The following CSPG4 variants were observed in gnomAD, a reference collection of about 807,000 sequenced individuals.
The protein encoded by CSPG4 is chondroitin sulfate proteoglycan 4 (melanoma-associated).
Under a neutral mutation model 139.3 loss-of-function variants are expected in CSPG4, and 74 were observed. The ratio of observed to expected loss-of-function variants is 0.53; its 90% confidence interval spans 0.44 to 0.64. CSPG4 has a LOEUF of 0.64. Ranked by LOEUF, CSPG4 falls within the 30% of genes least tolerant of loss-of-function variation. The pLI, the probability that CSPG4 is intolerant of heterozygous loss-of-function variation, is 0.00. For missense variants in CSPG4, 2,565 were observed against 3,148.3 expected (o/e 0.81, Z 4.43); for synonymous variants, 1,234 against 1,394.2 (o/e 0.89, Z 2.56).
rs762797521 is a variant in CSPG4, at chr15:75,688,247, G to A, written c.2818C>T (p.Pro940Ser). 2.5e-6 allele frequency: 4 copies of A among 1,612,976 alleles called. No individual in the cohort carries two copies. Among genetic ancestry groups the A allele is most frequent in the Non-Finnish European group, 3.4e-6 (4 of 1,179,968 alleles). ...ASYLYEVMER[P>S]RHGRLAWRGT... ...CGCCAAGCCAACCTCCCATGGCGGG[G>A]CCGCTCCATGACCTCATAGAGGTAG... Residue 940 changes from proline (P) to serine (S), a missense_variant, in exon 3 of 10, where the codon CCC (proline) becomes TCC (serine). Pro to Ser is a moderately conservative substitution (Grantham distance 74). This residue lies in a region of CSPG4 where 2,316 missense variants were observed against 2,818.2 expected (regional missense o/e 0.82). Transcript: ENST00000308508.
chr15:75,691,390 GACAT>G (rs911477265), intron 2 of CSPG4, among the ~76,000 whole-genome samples: 28 of 152,198 alleles, frequency 1.8e-4, no homozygotes, highest in Non-Finnish European at 3.5e-4. Flanking sequence ...ACAAGGAACT[GACAT>G]ACAGCAAGAT....
rs1894259146 is a variant in CSPG4, at chr15:75,698,559, GGTCA to G, written c.89-5330_89-5327del. Among the ~76,000 whole-genome samples, 1 of 152,032 alleles carries G rather than the reference GGTCA, an allele frequency of 6.6e-6. No homozygotes were observed. The highest frequency in any genetic ancestry group is 6.6e-5 in the Admixed American group (1 of 15,266). ...ATGGGTGAGTGTGTGCAGGAATGTGGGTCAGTGTCACATGTACACACGTGTGTGG... is the reference window on the plus strand; with the variant it reads ...ATGGGTGAGTGTGTGCAGGAATGTGGGTGTCACATGTACACACGTGTGTGG... On this transcript the variant is annotated intron_variant, in intron 1 of 9. Coordinates refer to ENST00000308508, the MANE Select transcript of CSPG4 (RefSeq NM_001897.5). This position sits in a 1 kb window ranked among gnomAD's most constrained non-coding sequence, Gnocchi z 4.3.
chr15:75,677,993 C>G, intron 8 of CSPG4, 107 bp from the exon 9 acceptor site: 1 of 1,056,926 alleles, frequency 9.5e-7, no homozygotes, highest in South Asian at 1.6e-5. Context: ...CTGGGTGTGC[C>G]CAGGTCTGTG....
intron 1 of CSPG4, among the ~76,000 whole-genome samples, chr15:75,712,041 G>T (rs1285119863): frequency 6.7e-6 from 1 of 150,170 alleles, no homozygotes; most frequent in Non-Finnish European, 1.5e-5. Flanking sequence ...GGTAGTGGGT[G>T]GGGGGTCCTG....
At chr15:75,713,251 G>T (rs1239637744), upstream of CSPG4, among the ~76,000 whole-genome samples, 4 of 152,160 alleles carry the variant, frequency 2.6e-5, no homozygotes, top group Non-Finnish European at 4.4e-5. Flanking sequence ...ACCCTCACAG[G>T]CGGCTTTTGG....
intron 2 of CSPG4, among the ~76,000 whole-genome samples, chr15:75,691,742 T>A (rs1233144645): frequency 6.6e-6 from 1 of 152,092 alleles, no homozygotes; most frequent in Admixed American, 6.6e-5. Flanking sequence ...TCTGGTACGG[T>A]GCTCCCAGAT....
chr15:75,710,271 G>A lies in CSPG4; in HGVS notation c.88+2397C>T, dbSNP rs1894431653. 3.3e-5 allele frequency among the ~76,000 whole-genome samples: 5 copies of A among 152,134 alleles called. No individual in the cohort carries two copies. In the South Asian group the frequency reaches 1.0e-3, roughly 32 times the overall value. ...CACCCCTGCCTGCCCTGTGCTCACT[G>A]TGACCCCCCGACTAGAATGTCACCT... On this transcript the variant is annotated intron_variant, in intron 1 of 9. Coordinates refer to ENST00000308508, the MANE Select transcript of CSPG4 (RefSeq NM_001897.5).
In CSPG4 at chr15:75,677,250, G is replaced by A. The variant is rs139060202; in HGVS notation, c.5269C>T (p.Arg1757Trp). 3.6e-5 allele frequency: 54 copies of A among 1,489,538 alleles called. No individual in the cohort carries two copies. Among genetic ancestry groups the A allele is most frequent in the East Asian group, 2.5e-4 (10 of 40,496 alleles). 92.3% of individuals were successfully genotyped at this position (1,489,538 alleles called of 1,614,324 possible). The change falls in exon 10 of 10, where the codon CGG becomes TGG. Residue 1757 changes from arginine (R) to tryptophan (W), a missense_variant. Physicochemically the swap from Arg to Trp is moderately radical, Grantham distance 101 (BLOSUM62 -3). Around this residue, in one of 5 missense-constraint regions of CSPG4, gnomAD observed 2,316 missense variants for 2,818.2 expected, o/e 0.82. Coordinates refer to ENST00000308508, the MANE Select transcript of CSPG4 (RefSeq NM_001897.5). Reference sequence around the variant, plus strand: ...TCCTCGGACACCAACAGCTGGCCCCGGCTGGGGAACTGTGTGACCTGGAAG... The same window carrying A: ...TCCTCGGACACCAACAGCTGGCCCCAGCTGGGGAACTGTGTGACCTGGAAG... ...VLFQVTQFPSRGQLLVSEEPL... is the reference protein window; with the variant it reads ...VLFQVTQFPSWGQLLVSEEPL...
At position 75,676,347 on chromosome 15, in the gene CSPG4, C is replaced by T; in HGVS notation, c.6172G>A (p.Gly2058Ser). Residue 2058 changes from glycine (G) to serine (S), a missense_variant, in exon 10 of 10, where the codon GGT (glycine) becomes AGT (serine). Coordinates refer to ENST00000308508, the MANE Select transcript of CSPG4 (RefSeq NM_001897.5). The part of the protein sequence containing the change: ...HVWAGGPWPQ[G>S]ATLRLDPTVL... ...GTGGGGTCCAGGCGCAGGGTGGCAC[C>T]CTGGGGCCATGGCCCACCTGCCCAC... 1.2e-6 allele frequency: 2 copies of T among 1,612,992 alleles called. No homozygotes were observed. Among genetic ancestry groups the T allele is most frequent in the Non-Finnish European group, 1.7e-6 (2 of 1,179,980 alleles).
chr15:75,688,214 G>A lies in CSPG4; in HGVS notation c.2851C>T (p.Gln951Ter), dbSNP rs2141428742. 10 of 1,612,924 alleles carry A rather than the reference G, an allele frequency of 6.2e-6. No individual in the cohort carries two copies. Among genetic ancestry groups the A allele is most frequent in the Non-Finnish European group, 8.5e-6 (10 of 1,179,900 alleles). The change falls in exon 3 of 10, where the codon CAG (glutamine) becomes TAG (stop). Residue 951 changes from glutamine to a stop codon, truncating the protein, a stop_gained. Transcript: ENST00000308508. LOFTEE classifies it high-confidence loss of function. ...GATGTCACCATAGTGGTCTTGTCCT[G>A]TGTCCCACGCCAAGCCAACCTCCCA... ...RHGRLAWRGT[Q>*]DKTTMVTSFT... is the part of the protein sequence containing the mutation.
rs372150481 is a variant in CSPG4 at position 75,684,035 on chromosome 15, AC to A, written c.4449+700del. ...CCTAGACCACCAAGGCCCCGCCCCCACCCCCGCCCCAGGCACCCCATGCCAG... is the reference window on the plus strand; with the variant it reads ...CCTAGACCACCAAGGCCCCGCCCCCACCCCGCCCCAGGCACCCCATGCCAG... On this transcript the variant is annotated intron_variant, in intron 5 of 9. Coordinates refer to ENST00000308508, the MANE Select transcript of CSPG4 (RefSeq NM_001897.5). Among the ~76,000 whole-genome samples the A allele has an allele frequency of 7.0e-4, 45 of 64,648 alleles. 1 individual carries two copies. In the East Asian group the frequency reaches 0.021, roughly 30 times the overall value. The allele number at this position is 64,648 out of a possible 152,430, so 42.4% of individuals were successfully genotyped here.
At chr15:75,705,473 C>T (rs1186374244) in intron 1 of CSPG4, among the ~76,000 whole-genome samples, 17 of 152,358 alleles carry the variant, frequency 1.1e-4, no homozygotes, top group Middle Eastern at 3.4e-3. Context: ...AGATGTCCAC[C>T]GAGCATTGAT....
chr15:75,682,706 CAG>C lies in CSPG4; in HGVS notation c.4682_4683del (p.Ser1561Ter). ...TGTCCGGGGGAAGTGTGCTCGCCGT[CAG>C]AGAGGCGGAAGCGGAAGCCTCCATC... is the stretch of plus-strand genomic sequence containing the variant. ...TLDGGFRFRL[S>X]DGEHTSPGHF... On this transcript the variant is annotated frameshift_variant, in exon 7 of 10. Transcript: ENST00000308508. LOFTEE classifies it high-confidence loss of function. 1 of 1,612,990 alleles carries C rather than the reference CAG, an allele frequency of 6.2e-7. No individual in the cohort carries two copies. The highest frequency in any genetic ancestry group is 8.5e-7 in the Non-Finnish European group (1 of 1,180,024).
chr15:75,694,875 T>A (rs560147174), intron 1 of CSPG4, among the ~76,000 whole-genome samples: 152 of 152,290 alleles, frequency 1.0e-3, no homozygotes, highest in Middle Eastern at 3.4e-3. Flanking sequence ...GTGCCTTATC[T>A]GCAAAGACAT....
chr15:75,710,267 C>G lies in CSPG4; in HGVS notation c.88+2401G>C, dbSNP rs369263273. 3.2e-4 allele frequency among the ~76,000 whole-genome samples: 49 copies of G among 152,304 alleles called. No homozygotes were observed. The East Asian group carries it at 7.2e-3, about 22-fold the overall frequency. ...CCACCACCCCTGCCTGCCCTGTGCT[C>G]ACTGTGACCCCCCGACTAGAATGTC... On this transcript the variant is annotated intron_variant, in intron 1 of 9. Coordinates refer to ENST00000308508, the MANE Select transcript of CSPG4 (RefSeq NM_001897.5).
intron 1 of CSPG4, among the ~76,000 whole-genome samples, chr15:75,700,646 GTC>G (rs1894290131): frequency 6.6e-6 from 1 of 152,176 alleles, no homozygotes; most frequent in Non-Finnish European, 1.5e-5. Context: ...CCTGGGCTGT[GTC>G]CAGGACCAGG....
intron 1 of CSPG4, among the ~76,000 whole-genome samples, chr15:75,704,916 G>A (rs1894350011): frequency 2.0e-5 from 3 of 152,208 alleles, no homozygotes; most frequent in Non-Finnish European, 2.9e-5. Flanking sequence ...CCTGGGCCCT[G>A]GCCTCCAGCC....
At chr15:75,702,113 T>C (rs528129593) in intron 1 of CSPG4, among the ~76,000 whole-genome samples, 50 of 152,210 alleles carry the variant, frequency 3.3e-4, no homozygotes, top group Non-Finnish European at 7.1e-4. Context: ...CAGCCTCCCT[T>C]GCCTTTGGTG....
Position 75,676,451 on chromosome 15 carries a change from T to G in CSPG4, c.6068A>C (p.His2023Pro). Residue 2023 changes from histidine to proline, a missense_variant, in exon 10 of 10, where the codon CAC (histidine) becomes CCC (proline). Transcript: ENST00000308508. ...AFTNFSSSHD[H>P]FRVLALARGV... The stretch of plus-strand genomic sequence containing the variant: ...CCTAGCCAGTGCCAGGACTCTGAAG[T>G]GGTCATGAGAGGAGGAGAAGTTGGT... The G allele has an allele frequency of 6.2e-7, 1 of 1,613,836 alleles. No homozygotes were observed. Among genetic ancestry groups the G allele is most frequent in the Non-Finnish European group, 8.5e-7 (1 of 1,179,958 alleles).
Sources: gnomAD v4.1 joint callset for allele counts (sites outside exome capture counted in the v4.1 genomes callset) on GRCh38, gnomAD v4.1.1 for gene constraint, gnomAD v4.1.1 regional missense constraint, Gnocchi (gnomAD v3.1) non-coding constraint, MANE v1.5 for transcripts, NCBI Gene and HGNC (gene_info 2026-07-23, HGNC 2026-07-21) for gene names.